The following LINGO2 variants were observed in gnomAD, a reference collection of about 807,000 sequenced individuals.
LINGO2 encodes leucine-rich repeat and immunoglobulin-like domain-containing nogo receptor-interacting protein 2.
LINGO2 carries 14 observed loss-of-function variants against 30.6 expected under a neutral mutation model. The ratio of observed to expected loss-of-function variants is 0.46; its 90% CI spans 0.30 to 0.72. The LOEUF is 0.72. Ranked by LOEUF, LINGO2 falls within the 30% of genes least tolerant of loss-of-function variation. LINGO2 has a pLI of 0.07. For synonymous variants in LINGO2, 317 were observed against 288.5 expected (o/e 1.10, Z -1.00); for missense variants, 729 against 751.7 (o/e 0.97, Z 0.35).
At chr9:28,971,871 A>C in the LINGO2 span, among the ~76,000 whole-genome samples, 1 of 152,308 alleles carries the variant, frequency 6.6e-6, no homozygotes, top group Non-Finnish European at 1.5e-5. Flanking sequence ...TTCAGATCTA[A>C]CCTAGTACAG....
chr9:28,632,740 T>C (rs1010289370), intron 1 of LINGO2, among the ~76,000 whole-genome samples: 1 of 134,472 alleles, frequency 7.4e-6, no homozygotes, highest in African/African-American at 2.8e-5. Flanking sequence ...ATCTATATAT[T>C]TATATATAGA....
At chr9:28,027,223 A>G (rs142614012) in intron 4 of LINGO2, among the ~76,000 whole-genome samples, 1 of 152,280 alleles carries the variant, frequency 6.6e-6, no homozygotes, top group East Asian at 1.9e-4. Flanking sequence ...CTTTACACAT[A>G]TCGATGTATT....
the LINGO2 span, among the ~76,000 whole-genome samples, chr9:28,777,326 T>G: frequency 5.3e-5 from 8 of 152,164 alleles, no homozygotes; most frequent in African/African-American, 1.9e-4. Context: ...CATAGAAACT[T>G]GAAACAATAC....
At chr9:28,892,089 A>G in the LINGO2 span, among the ~76,000 whole-genome samples, 2 of 151,946 alleles carry the variant, frequency 1.3e-5, no homozygotes, top group African/African-American at 2.4e-5. Flanking sequence ...TCAAATCACT[A>G]TGTTCATAAA....
At chr9:28,104,255 G>GTTTTT (rs1453019033) in intron 4 of LINGO2, among the ~76,000 whole-genome samples, 1,176 of 74,620 alleles carry the variant, frequency 0.016, 92 homozygotes, top group East Asian at 0.054. Context: ...CCCAGTACAA[G>GTTTTT]TTTTTTGTTT....
intron 1 of LINGO2, among the ~76,000 whole-genome samples, chr9:28,510,185 C>T (rs968699344): frequency 3.5e-4 from 53 of 152,244 alleles, no homozygotes; most frequent in African/African-American, 1.1e-3. Flanking sequence ...TATTAATATA[C>T]AGTTGACCCT....
At chr9:29,179,508 A>T in the LINGO2 span, among the ~76,000 whole-genome samples, 1 of 151,882 alleles carries the variant, frequency 6.6e-6, no homozygotes, top group African/African-American at 2.4e-5. Context: ...GGGTTCAAGC[A>T]ATTCTCCTGC....
At chr9:29,210,542 A>G in the LINGO2 span, among the ~76,000 whole-genome samples, 1 of 152,176 alleles carries the variant, frequency 6.6e-6, no homozygotes, top group Non-Finnish European at 1.5e-5. Context: ...TTGGGACTTC[A>G]TCAAGATATA....
At chr9:28,511,085 T>C in intron 1 of LINGO2, among the ~76,000 whole-genome samples, 1 of 152,136 alleles carries the variant, frequency 6.6e-6, no homozygotes, top group African/African-American at 2.4e-5. Context: ...CAAATGTTAA[T>C]CTCCTTTGGC....
At chr9:28,809,525 C>G in the LINGO2 span, among the ~76,000 whole-genome samples, 1 of 152,130 alleles carries the variant, frequency 6.6e-6, no homozygotes, top group African/African-American at 2.4e-5. Context: ...GCAGACGGAT[C>G]ACGAGGACAG....
At chr9:28,835,552 T>C in the LINGO2 span, among the ~76,000 whole-genome samples, 1 of 152,180 alleles carries the variant, frequency 6.6e-6, no homozygotes, top group African/African-American at 2.4e-5. Context: ...GACAAATAAA[T>C]GCTTATTTTA....
intron 1 of LINGO2, among the ~76,000 whole-genome samples, chr9:28,597,023 C>A (rs182570301): frequency 1.2e-4 from 18 of 152,196 alleles, no homozygotes; most frequent in Non-Finnish European, 4.4e-5. Flanking sequence ...TCTATCAATT[C>A]TTTATAATTA....
chr9:28,831,708 C>T, the LINGO2 span, among the ~76,000 whole-genome samples: 1 of 152,090 alleles, frequency 6.6e-6, no homozygotes, highest in African/African-American at 2.4e-5. Context: ...AAATGGATGA[C>T]TCAATACAGA....
At chr9:28,423,239 G>A (rs113302740) in intron 2 of LINGO2, among the ~76,000 whole-genome samples, 3 of 151,986 alleles carry the variant, frequency 2.0e-5, no homozygotes, top group Admixed American at 1.3e-4. Context: ...AGTAAAGCTT[G>A]AAATGGAATA....
chr9:29,178,801 C>T, the LINGO2 span, among the ~76,000 whole-genome samples: 1 of 151,860 alleles, frequency 6.6e-6, no homozygotes, highest in African/African-American at 2.4e-5. Context: ...AACAGTAAAA[C>T]CCAGAAGATC....
intron 2 of LINGO2, among the ~76,000 whole-genome samples, chr9:28,379,884 T>G (rs1380827027): frequency 6.6e-6 from 1 of 152,084 alleles, no homozygotes; most frequent in Admixed American, 6.6e-5. Flanking sequence ...CATGCAAGGT[T>G]CTGGAACATC....
intron 4 of LINGO2, among the ~76,000 whole-genome samples, chr9:28,192,570 C>T (rs891039395): frequency 6.6e-6 from 1 of 152,036 alleles, no homozygotes; most frequent in African/African-American, 2.4e-5. Flanking sequence ...ACACATAACC[C>T]ACTGGCCTGG....
intron 1 of LINGO2, among the ~76,000 whole-genome samples, chr9:28,503,006 G>A (rs943621566): frequency 6.6e-6 from 1 of 152,026 alleles, no homozygotes; most frequent in Non-Finnish European, 1.5e-5. Context: ...AGCACTTAGA[G>A]GCAAAATGTT....
At chr9:28,628,119 C>G (rs549012197) in intron 1 of LINGO2, among the ~76,000 whole-genome samples, 1 of 152,120 alleles carries the variant, frequency 6.6e-6, no homozygotes, top group African/African-American at 2.4e-5. Flanking sequence ...ACGTTGTCTT[C>G]AAAGCCAAAT....
Sources: gnomAD v4.1 joint callset for allele counts (sites outside exome capture counted in the v4.1 genomes callset) on GRCh38, gnomAD v4.1.1 for gene constraint, MANE v1.5 for transcripts, NCBI Gene and HGNC (gene_info 2026-07-23, HGNC 2026-07-21) for gene names.